PSD3: variants seen among roughly 807,000 people sequenced by gnomAD.
PSD3 encodes the protein pleckstrin and Sec7 domain containing 3.
PSD3 carries 49 observed loss-of-function variants against 105.5 expected under a neutral mutation model. The observed-to-expected ratio is 0.46, with a 90% CI of 0.37 to 0.59. The LOEUF (loss-of-function observed/expected upper bound fraction) is 0.59. Ranked by LOEUF, PSD3 falls within the 20% of genes least tolerant of loss-of-function variation. PSD3 has a pLI of 0.00. For synonymous variants in PSD3, 557 were observed against 457.8 expected (o/e 1.22, Z -2.77); for missense variants, 1,561 against 1,263.8 (o/e 1.24, Z -3.57).
chr8:19,009,972 T>C (rs563246770), intron 1 of PSD3, among the ~76,000 whole-genome samples: 9 of 152,302 alleles, frequency 5.9e-5, no homozygotes, highest in Admixed American at 5.9e-4. Flanking sequence ...GAAAATACCA[T>C]GTAAGAAAAG....
Position 18,651,895 on chromosome 8 carries a change from G to C in PSD3, c.2216+3747C>G, listed in dbSNP as rs531772296. On this transcript the variant is annotated intron_variant, in intron 10 of 15. Transcript: ENST00000327040. ...GCAGAACGTGAAGGGCCTAATTAAAGTTTTACAGCACATAGGAACTTCACA... is the reference window on the plus strand; with the variant it reads ...GCAGAACGTGAAGGGCCTAATTAAACTTTTACAGCACATAGGAACTTCACA... Among the ~76,000 whole-genome samples the C allele has an allele frequency of 6.5e-4, 99 of 152,286 alleles. 3 individuals carry two copies. The South Asian group carries it at 0.02, about 30-fold the overall frequency.
intron 8 of PSD3, among the ~76,000 whole-genome samples, chr8:18,782,291 G>A (rs1210065908): frequency 6.6e-6 from 1 of 151,796 alleles, no homozygotes; most frequent in Non-Finnish European, 1.5e-5. Context: ...TGTAACATTT[G>A]CTTCATCCAA....
rs765247344 is a variant in PSD3 at position 18,572,572 on chromosome 8, ACTT to A, written c.2737_2739del (p.Lys913del). The stretch of plus-strand genomic sequence containing the variant: ...GTGGCAGGCAGAAGTGGGCGGCTAA[ACTT>A]CTTCTGAGAGCCGATTGCTGCTGGA... On this transcript the variant is annotated inframe_deletion, in exon 14 of 16. Transcript: ENST00000327040. 1.2e-6 allele frequency: 2 copies of A among 1,614,082 alleles called. No individual in the cohort carries two copies. Among genetic ancestry groups the A allele is most frequent in the African/African-American group, 1.3e-5 (1 of 75,048 alleles).
rs1449510920 is a variant in PSD3, at chr8:18,960,746, C to T, written c.22-24604G>A. Among the ~76,000 whole-genome samples, 7 of 152,014 alleles carry T rather than the reference C, an allele frequency of 4.6e-5. No individual in the cohort carries two copies. The South Asian group carries it at 6.2e-4, about 13-fold the overall frequency. On this transcript the variant is annotated intron_variant, in intron 1 of 15. Transcript: ENST00000327040. ...AATGAGGCTTCTAGAAGGAGGAAAA[C>T]AGCAATTTATTTATTTATTTATTTA...
intron 15 of PSD3, among the ~76,000 whole-genome samples, chr8:18,554,841 T>C (rs1201156730): frequency 6.6e-6 from 1 of 152,124 alleles, no homozygotes; most frequent in African/African-American, 2.4e-5. Context: ...GAATTTGGGC[T>C]GTACCTCAAA....
rs1015857226 is a variant in PSD3, at chr8:19,002,898, A to G, written c.21+10665T>C. Among the ~76,000 whole-genome samples the G allele has an allele frequency of 4.6e-5, 7 of 152,012 alleles. 1 individual carries two copies. The highest frequency in any genetic ancestry group is 7.4e-5 in the Non-Finnish European group (5 of 67,986). ...AGGCAATCACAGTCTAGGGTACAAG[A>G]AAGTCCAGTTTTGCCGTTTAATAGG... On this transcript the variant is annotated intron_variant, in intron 1 of 15. Transcript: ENST00000327040.
chr8:18,808,765 A>G (rs767881589), intron 4 of PSD3: 1 of 1,614,082 alleles, frequency 6.2e-7, no homozygotes, highest in Non-Finnish European at 8.5e-7. Flanking sequence ...CAGCAACCAT[A>G]CAGACACCAA....
intron 9 of PSD3, among the ~76,000 whole-genome samples, chr8:18,679,181 T>A (rs1371049078): frequency 6.6e-6 from 1 of 152,242 alleles, no homozygotes; most frequent in African/African-American, 2.4e-5. Flanking sequence ...GACAACAATC[T>A]GCAAGCCTGC....
At position 18,586,636 on chromosome 8, in the gene PSD3, G is replaced by A. The variant is rs111775429; in HGVS notation, c.2482-11351C>T. Among the ~76,000 whole-genome samples, 177 of 152,180 alleles carry A rather than the reference G, an allele frequency of 1.2e-3. 1 individual carries two copies. Among genetic ancestry groups the A allele is most frequent in the African/African-American group, 4.0e-3 (166 of 41,526 alleles). On this transcript the variant is annotated intron_variant, in intron 12 of 15. Transcript: ENST00000327040. ...TCAAAGCCAGCCATTATGGACTTCC[G>A]GAATGGCTGGAATTGCCAGCCATTA...
rs535113888 is a variant in PSD3 at position 18,856,438 on chromosome 8, A to G, written c.1634+11236T>C. Among the ~76,000 whole-genome samples, 64 of 152,340 alleles carry G rather than the reference A, an allele frequency of 4.2e-4. No individual in the cohort carries two copies. In the South Asian group the frequency reaches 0.013, roughly 32 times the overall value. The stretch of plus-strand genomic sequence containing the variant: ...CCAAAACGTAGAACTTGAGAAGACC[A>G]CGGCCTAACAGAAGAGACAGGCCTG... On this transcript the variant is annotated intron_variant, in intron 4 of 15. Coordinates refer to ENST00000327040, the MANE Select transcript of PSD3 (RefSeq NM_015310.4).
Position 18,795,757 on chromosome 8 carries a change from G to A in PSD3, c.2082+3538C>T, listed in dbSNP as rs373969133. Among the ~76,000 whole-genome samples the A allele has an allele frequency of 3.9e-5, 6 of 152,260 alleles. No homozygotes were observed. In the East Asian group the frequency reaches 5.8e-4, roughly 15 times the overall value. On this transcript the variant is annotated intron_variant, in intron 8 of 15. Coordinates refer to ENST00000327040, the MANE Select transcript of PSD3 (RefSeq NM_015310.4). Reference sequence around the variant, plus strand: ...GCTAGTTAGTGGTAGGAAACAGAACGCATTTGAAGATCCATCCAGAAAGGG... The same window carrying A: ...GCTAGTTAGTGGTAGGAAACAGAACACATTTGAAGATCCATCCAGAAAGGG...
chr8:18,671,079 G>C (rs1799757520), intron 9 of PSD3, among the ~76,000 whole-genome samples: 2 of 152,172 alleles, frequency 1.3e-5, no homozygotes, highest in South Asian at 4.1e-4. Context: ...GAGAAGGCAA[G>C]GGCTTCAGTG....
At chr8:18,909,145 T>C (rs34923527) in intron 2 of PSD3, among the ~76,000 whole-genome samples, 1,687 of 152,350 alleles carry the variant, frequency 0.011, 10 homozygotes, top group Non-Finnish European at 0.016. Context: ...TAAGTTGCTT[T>C]TTCCTAGTGT....
chr8:19,005,641 T>C (rs1426954243), intron 1 of PSD3, among the ~76,000 whole-genome samples: 1 of 151,866 alleles, frequency 6.6e-6, no homozygotes, highest in Non-Finnish European at 1.5e-5. Context: ...CACATCACCA[T>C]GCTCAGCTAA....
chr8:18,823,773 A>AAC (rs762999119), intron 4 of PSD3, among the ~76,000 whole-genome samples: 7,545 of 134,746 alleles, frequency 0.056, 247 homozygotes, highest in East Asian at 0.13. Context: ...CTTTATCTTA[A>AAC]ACACACTCAC....
At chr8:18,749,707 G>A (rs896970930) in intron 9 of PSD3, among the ~76,000 whole-genome samples, 1 of 152,116 alleles carries the variant, frequency 6.6e-6, no homozygotes, top group African/African-American at 2.4e-5. Context: ...AAAAAGAAGA[G>A]GATGAGGAGG....
rs576981378 is a variant in PSD3, at chr8:18,647,606, T to G, written c.2216+8036A>C. 9.9e-3 allele frequency among the ~76,000 whole-genome samples: 555 copies of G among 56,338 alleles called. 3 individuals are homozygous for G. Among genetic ancestry groups the G allele is most frequent in the African/African-American group, 0.043 (529 of 12,174 alleles). The allele number at this position is 56,338 out of a possible 152,430, so 37.0% of individuals were successfully genotyped here. A position where few individuals can be genotyped will look rare whatever the true frequency, so the allele number is the denominator to read the frequency against. On this transcript the variant is annotated intron_variant, in intron 10 of 15. Transcript: ENST00000327040. Reference sequence around the variant, plus strand: ...TCCAGAAGTTCATTATTTAAAACTGTTTTTTTTTTTTTTTTGGCTGACTTT... The same window carrying G: ...TCCAGAAGTTCATTATTTAAAACTGGTTTTTTTTTTTTTTTGGCTGACTTT...
rs186291628 is a variant in PSD3 at position 18,978,883 on chromosome 8, C to G, written c.21+34680G>C. Among the ~76,000 whole-genome samples, 554 of 152,186 alleles carry G rather than the reference C, an allele frequency of 3.6e-3. 5 individuals carry two copies. Among genetic ancestry groups the G allele is most frequent in the Middle Eastern group, 6.8e-3 (2 of 294 alleles). ...CTACCCTCTACCCTCATTCCCACCC[C>G]CTTATCACTACACTAAGGCCAGCAA... is the stretch of plus-strand genomic sequence containing the variant. On this transcript the variant is annotated intron_variant, in intron 1 of 15. Transcript: ENST00000327040.
intron 1 of PSD3, among the ~76,000 whole-genome samples, chr8:18,951,584 G>T (rs557909224): frequency 1.3e-5 from 2 of 152,278 alleles, no homozygotes; most frequent in East Asian, 3.9e-4. Flanking sequence ...TTTTACAACT[G>T]ATGTTAACAT....
Sources: gnomAD v4.1 joint callset for allele counts (sites outside exome capture counted in the v4.1 genomes callset) on GRCh38, gnomAD v4.1.1 for gene constraint, MANE v1.5 for transcripts, NCBI Gene and HGNC (gene_info 2026-07-23, HGNC 2026-07-21) for gene names.